The following SLC11A2 variants were observed in gnomAD, a reference collection of about 807,000 sequenced individuals.
SLC11A2 encodes solute carrier family 11 member 2, also known as natural resistance-associated macrophage protein 2.
Under a neutral mutation model 68.0 loss-of-function variants are expected in SLC11A2, and 38 were observed. The observed-to-expected ratio is 0.56, with a 90% CI of 0.43 to 0.73. The LOEUF (loss-of-function observed/expected upper bound fraction) is 0.73, where lower values mean the gene tolerates loss of function less well. Ranked by LOEUF, SLC11A2 falls within the 30% of genes least tolerant of loss-of-function variation. The pLI, the probability that SLC11A2 is intolerant of heterozygous loss-of-function variation, is 0.00. For missense variants in SLC11A2, 517 were observed against 690.5 expected (o/e 0.75, Z 2.82); for synonymous variants, 242 against 250.6 (o/e 0.97, Z 0.32).
At chr12:51,008,302 GGTGTGTGTGTGT>G (rs532914132) in intron 3 of SLC11A2, 162 bp downstream of exon 3, 42 of 522,260 alleles carry the variant, frequency 8.0e-5, no homozygotes, top group Non-Finnish European at 1.3e-4. Flanking sequence ...ATATAGATGG[GGTGTGTGTGTGT>G]GTGTGTGTGT....
chr12:50,970,946 T>A, the SLC11A2 span, among the ~76,000 whole-genome samples: 1 of 152,086 alleles, frequency 6.6e-6, no homozygotes, highest in Non-Finnish European at 1.5e-5. Context: ...TGGTATAATC[T>A]CCGCTCACCG....
In SLC11A2 at chr12:50,986,592, T is replaced by C. The variant is rs1592302670; in HGVS notation, c.*1733A>G. ...AAAGAATTTTTTTTTTGTCGTCAGT[T>C]TGGCCTTTCCTACTGCAGCCAGGTG... On this transcript the variant is annotated 3_prime_UTR_variant, in exon 16 of 16. Transcript: ENST00000262052. The C allele has an allele frequency of 7.8e-7, 1 of 1,287,088 alleles. No individual in the cohort carries two copies. Among genetic ancestry groups the C allele is most frequent in the East Asian group, 5.5e-5 (1 of 18,026 alleles). 79.7% of individuals were successfully genotyped at this position (1,287,088 alleles called of 1,614,324 possible).
At chr12:51,005,758 A>G in intron 3 of SLC11A2, 1 of 1,200,528 alleles carries the variant, frequency 8.3e-7, no homozygotes, top group South Asian at 1.3e-5. Flanking sequence ...TTAAAAAGGA[A>G]ACAAGCCAGG....
the SLC11A2 span, among the ~76,000 whole-genome samples, chr12:50,972,986 C>T: frequency 3.3e-5 from 5 of 152,312 alleles, no homozygotes; most frequent in South Asian, 4.1e-4. Context: ...GTAAACAAAG[C>T]GGCTGCAAAG....
chr12:51,005,194 T>C, intron 4 of SLC11A2, 117 bp downstream of exon 4: 1 of 1,142,858 alleles, frequency 8.7e-7, no homozygotes, highest in Non-Finnish European at 1.3e-6. Context: ...TAAGAGCCAC[T>C]GCCAATGAAG....
chr12:50,993,261 G>A, intron 11 of SLC11A2: 1 of 287,386 alleles, frequency 3.5e-6, no homozygotes, highest in Non-Finnish European at 6.6e-6. Flanking sequence ...ACACTATTCT[G>A]GAAAATGGCA....
intron 5 of SLC11A2, among the ~76,000 whole-genome samples, chr12:51,001,585 CAA>C (rs57569917): frequency 0.18 from 20,109 of 108,958 alleles, 1,433 homozygotes; most frequent in East Asian, 0.44. Flanking sequence ...CTTGCTTTCA[CAA>C]AAAAAAAAAA....
chr12:50,984,527 T>C (rs1940361002), downstream of SLC11A2, among the ~76,000 whole-genome samples: 1 of 152,210 alleles, frequency 6.6e-6, no homozygotes, highest in Non-Finnish European at 1.5e-5. Flanking sequence ...CTTAGATGAC[T>C]TAGTTGATAG....
chr12:51,025,538 T>C (rs1465782622), intron 1 of SLC11A2: 1 of 159,436 alleles, frequency 6.3e-6, no homozygotes, highest in Admixed American at 6.5e-5. Context: ...AGCAAGTTTT[T>C]AGAAGCCTAT....
chr12:50,974,686 C>A (rs1389367440), downstream of SLC11A2, among the ~76,000 whole-genome samples: 4 of 152,154 alleles, frequency 2.6e-5, no homozygotes, highest in Admixed American at 2.0e-4. Flanking sequence ...TTAAAAGACA[C>A]AGACTGGCAA....
downstream of SLC11A2, among the ~76,000 whole-genome samples, chr12:50,983,799 C>G (rs1032359201): frequency 5.9e-5 from 9 of 152,070 alleles, no homozygotes; most frequent in Non-Finnish European, 1.3e-4. Context: ...GGTGAATCCC[C>G]ATCTCTAAAA....
rs1201057442 is a variant in SLC11A2 at position 50,986,211 on chromosome 12, G to A, written c.*2114C>T. ...GAACCAATTTATATAAAGTACAATT[G>A]TATATCCTTAAACATTCCACATAAA... On this transcript the variant is annotated 3_prime_UTR_variant, in exon 16 of 16. Transcript: ENST00000262052. 2.3e-6 allele frequency: 3 copies of A among 1,282,798 alleles called. No homozygotes were observed. The highest frequency in any genetic ancestry group is 1.0e-6 in the Non-Finnish European group (1 of 984,680). 79.5% of individuals were successfully genotyped at this position (1,282,798 alleles called of 1,614,324 possible).
At chr12:50,990,755 C>T (rs1236732236) in intron 15 of SLC11A2, 40 bp downstream of exon 15, 1 of 1,610,088 alleles carries the variant, frequency 6.2e-7, no homozygotes, top group South Asian at 1.1e-5. Flanking sequence ...CCTCAACCAT[C>T]CCTGATACCT....
At chr12:50,991,754 C>G in intron 13 of SLC11A2, 82 bp from the exon 14 acceptor site, 3 of 1,045,988 alleles carry the variant, frequency 2.9e-6, no homozygotes, top group Non-Finnish European at 4.4e-6. Context: ...GAAAGGGAAA[C>G]ATAAATGCTG....
chr12:50,970,457 T>C, the SLC11A2 span: 2 of 1,510,014 alleles, frequency 1.3e-6, no homozygotes, highest in Non-Finnish European at 1.8e-6. Context: ...CTCTATTCTA[T>C]GTATAAGGAT....
chr12:51,000,700 T>C, intron 5 of SLC11A2: 1 of 590,490 alleles, frequency 1.7e-6, no homozygotes, highest in East Asian at 2.8e-5. Flanking sequence ...TTGAGAAGAA[T>C]ATAATTGCCA....
At position 50,986,598 on chromosome 12, in the gene SLC11A2, T is replaced by C; in HGVS notation, c.*1727A>G. 1 of 1,287,038 alleles carries C rather than the reference T, an allele frequency of 7.8e-7. No homozygotes were observed. The highest frequency in any genetic ancestry group is 1.2e-5 in the South Asian group (1 of 80,890). 79.7% of individuals were successfully genotyped at this position (1,287,038 alleles called of 1,614,324 possible). A position where few individuals can be genotyped will look rare whatever the true frequency, so the allele number is the denominator to read the frequency against. The stretch of plus-strand genomic sequence containing the variant: ...TTTTTTTTTTGTCGTCAGTTTGGCC[T>C]TTCCTACTGCAGCCAGGTGAGAGCT... On this transcript the variant is annotated 3_prime_UTR_variant, in exon 16 of 16. Coordinates refer to ENST00000262052, the MANE Select transcript of SLC11A2 (RefSeq NM_000617.3).
chr12:50,969,413 C>T, the SLC11A2 span, among the ~76,000 whole-genome samples: 3 of 151,570 alleles, frequency 2.0e-5, no homozygotes, highest in South Asian at 4.2e-4. Context: ...AAATCTCATA[C>T]GTAAGGCCAG....
At chr12:50,996,544 C>G (rs1436394642) in intron 9 of SLC11A2, among the ~76,000 whole-genome samples, 2 of 151,226 alleles carry the variant, frequency 1.3e-5, no homozygotes, top group Non-Finnish European at 2.9e-5. Context: ...CCACTGCACT[C>G]CAGCCTGGGC....
Sources: allele counts gnomAD v4.1 joint callset (sites outside exome capture counted in the v4.1 genomes callset), GRCh38; gene constraint gnomAD v4.1.1; transcripts MANE v1.5; gene names NCBI Gene and HGNC (gene_info 2026-07-23, HGNC 2026-07-21).